The following CDH13 variants were observed in gnomAD, a reference collection of about 807,000 sequenced individuals.
CDH13 encodes cadherin-13.
CDH13 carries 24 observed loss-of-function variants against 63.8 expected under a neutral mutation model. That is an observed-to-expected ratio of 0.38 (90% CI 0.27 to 0.53). The LOEUF (loss-of-function observed/expected upper bound fraction) is 0.53, where lower values mean the gene tolerates loss of function less well. Ranked by LOEUF, CDH13 falls within the 20% of genes least tolerant of loss-of-function variation. The pLI, the probability that CDH13 is intolerant of heterozygous loss-of-function variation, is 0.85. For synonymous variants in CDH13, 503 were observed against 355.3 expected (o/e 1.42, Z -4.67); for missense variants, 1,049 against 903.1 (o/e 1.16, Z -2.07).
chr16:83,243,325 G>A (rs1174320193), intron 5 of CDH13, among the ~76,000 whole-genome samples: 1 of 152,176 alleles, frequency 6.6e-6, no homozygotes, highest in African/African-American at 2.4e-5. Context: ...GATGGTGGAA[G>A]GTGAGAGGCA....
intron 6 of CDH13, among the ~76,000 whole-genome samples, chr16:83,400,266 C>T (rs1020673252): frequency 1.3e-5 from 2 of 152,216 alleles, no homozygotes; most frequent in South Asian, 4.1e-4. Context: ...TTTCTCTTCT[C>T]GTTGTAAATT....
intron 5 of CDH13, among the ~76,000 whole-genome samples, chr16:83,331,434 T>G (rs1438909357): frequency 6.6e-6 from 1 of 152,184 alleles, no homozygotes; most frequent in Admixed American, 6.5e-5. Flanking sequence ...TCTTTCTCAT[T>G]AATCATCAAT....
rs180671270 is a variant in CDH13 at position 82,662,416 on chromosome 16, G to A, written c.45+35279G>A. 4.2e-3 allele frequency among the ~76,000 whole-genome samples: 640 copies of A among 152,328 alleles called. 6 individuals are homozygous for A. Among genetic ancestry groups the A allele is most frequent in the Middle Eastern group, 0.024 (7 of 294 alleles). Reference sequence around the variant, plus strand: ...CATGTGTTACTGTTGTAATTAAAAAGAGATTTATGTGATGAAAACTGATGA... The same window carrying A: ...CATGTGTTACTGTTGTAATTAAAAAAAGATTTATGTGATGAAAACTGATGA... On this transcript the variant is annotated intron_variant, in intron 1 of 13. Coordinates refer to ENST00000567109, the MANE Select transcript of CDH13 (RefSeq NM_001257.5).
At chr16:83,768,546 G>C (rs1914551302) in intron 11 of CDH13, among the ~76,000 whole-genome samples, 1 of 152,202 alleles carries the variant, frequency 6.6e-6, no homozygotes, top group Non-Finnish European at 1.5e-5. Flanking sequence ...TTCAGGGCTA[G>C]TCCACAGAGT....
intron 1 of CDH13, among the ~76,000 whole-genome samples, chr16:82,810,460 G>C (rs1266302315): frequency 6.6e-6 from 1 of 152,200 alleles, no homozygotes; most frequent in Non-Finnish European, 1.5e-5. Context: ...CTCATTTTGA[G>C]AGGATCTCAA....
At chr16:83,296,005 T>C (rs757145578) in intron 5 of CDH13, among the ~76,000 whole-genome samples, 2 of 152,178 alleles carry the variant, frequency 1.3e-5, no homozygotes, top group Non-Finnish European at 2.9e-5. Flanking sequence ...CCTATTGATG[T>C]TTCAGAGAAA....
intron 5 of CDH13, among the ~76,000 whole-genome samples, chr16:83,294,031 G>T (rs758933527): frequency 6.6e-6 from 1 of 152,152 alleles, no homozygotes; most frequent in Non-Finnish European, 1.5e-5. Context: ...CTAGGACATA[G>T]CATCAAGGAT....
intron 1 of CDH13, among the ~76,000 whole-genome samples, chr16:82,779,033 C>T (rs1009985088): frequency 6.6e-6 from 1 of 152,032 alleles, no homozygotes; most frequent in African/African-American, 2.4e-5. Context: ...AATGGCTGGA[C>T]TTAGAGAGGA....
At chr16:83,495,841 A>G (rs908893645) in intron 7 of CDH13, among the ~76,000 whole-genome samples, 5 of 152,184 alleles carry the variant, frequency 3.3e-5, no homozygotes, top group African/African-American at 1.2e-4. Flanking sequence ...AGTCCTCATT[A>G]TGCAGGTACT....
chr16:83,324,107 G>C (rs1597747647), intron 5 of CDH13, among the ~76,000 whole-genome samples: 1 of 147,654 alleles, frequency 6.8e-6, no homozygotes, highest in African/African-American at 2.5e-5. Flanking sequence ...GCACAATCTT[G>C]GGTCACTGCA....
Position 83,085,657 on chromosome 16 carries a change from C to G in CDH13, c.367-39728C>G, listed in dbSNP as rs184078450. ...AAGCATTTGGCTGTTTTATTTGTGC[C>G]TTAAACAAAATACAAGCTCTACAGC... On this transcript the variant is annotated intron_variant, in intron 3 of 13. Coordinates refer to ENST00000567109, the MANE Select transcript of CDH13 (RefSeq NM_001257.5). Among the ~76,000 whole-genome samples, 17 of 152,246 alleles carry G rather than the reference C, an allele frequency of 1.1e-4. No homozygotes were observed. In the East Asian group the frequency reaches 2.9e-3, roughly 26 times the overall value.
intron 3 of CDH13, among the ~76,000 whole-genome samples, chr16:83,052,360 A>G (rs1318266501): frequency 6.6e-6 from 1 of 152,214 alleles, no homozygotes; most frequent in East Asian, 1.9e-4. Context: ...AGGTTCATAT[A>G]TTTTCATCTG....
chr16:83,605,835 C>A (rs1908279004), intron 8 of CDH13, among the ~76,000 whole-genome samples: 1 of 152,244 alleles, frequency 6.6e-6, no homozygotes, highest in Non-Finnish European at 1.5e-5. Context: ...ACATATGAAT[C>A]TGCTCAAGCA....
intron 4 of CDH13, among the ~76,000 whole-genome samples, chr16:83,216,912 C>A (rs117745630): frequency 1.3e-5 from 2 of 151,990 alleles, no homozygotes; most frequent in African/African-American, 4.8e-5. Flanking sequence ...GGGCAGGTGA[C>A]ACTGGATTAG....
chr16:83,552,989 G>GA (rs1231356761), intron 7 of CDH13, among the ~76,000 whole-genome samples: 3 of 151,362 alleles, frequency 2.0e-5, no homozygotes, highest in Non-Finnish European at 2.9e-5. Context: ...TGAGGCAGGA[G>GA]AATCACTTGA....
Position 82,865,140 on chromosome 16 carries a change from C to T in CDH13, c.157+6667C>T, listed in dbSNP as rs143264591. ...CCCATGGCTTTGTGGGGTACAGCCC[C>T]ACTCCCAGCTGCTTTCACAGGCTGG... On this transcript the variant is annotated intron_variant, in intron 2 of 13. Transcript: ENST00000567109. Among the ~76,000 whole-genome samples, 357 of 152,328 alleles carry T rather than the reference C, an allele frequency of 2.3e-3. 2 individuals carry two copies. The highest frequency in any genetic ancestry group is 8.2e-3 in the African/African-American group (340 of 41,574).
At chr16:83,618,682 A>G (rs1305676667) in intron 8 of CDH13, among the ~76,000 whole-genome samples, 1 of 152,194 alleles carries the variant, frequency 6.6e-6, no homozygotes, top group Non-Finnish European at 1.5e-5. Flanking sequence ...TCAGAAGTGA[A>G]TAAATGAATC....
At chr16:82,938,665 T>A (rs1313950890) in intron 2 of CDH13, among the ~76,000 whole-genome samples, 23 of 152,092 alleles carry the variant, frequency 1.5e-4, no homozygotes, top group Admixed American at 1.5e-3. Flanking sequence ...GATGTGAGTG[T>A]GTATAGTTTA....
At chr16:83,481,159 C>T (rs2073751373) in intron 6 of CDH13, among the ~76,000 whole-genome samples, 1 of 152,236 alleles carries the variant, frequency 6.6e-6, no homozygotes, top group African/African-American at 2.4e-5. Flanking sequence ...TTTGCTTTAA[C>T]ATCACACTTC....
Sources: gnomAD v4.1 joint callset for allele counts (sites outside exome capture counted in the v4.1 genomes callset) on GRCh38, gnomAD v4.1.1 for gene constraint, MANE v1.5 for transcripts, NCBI Gene and HGNC (gene_info 2026-07-23, HGNC 2026-07-21) for gene names.